Variants in CFAP57 observed in about 807,000 individuals in gnomAD.
CFAP57 encodes the protein cilia and flagella associated protein 57.
CFAP57 carries 116 observed loss-of-function variants against 146.8 expected under a neutral mutation model. The observed-to-expected ratio is 0.79, with a 90% confidence interval of 0.68 to 0.92. The LOEUF is 0.92. CFAP57 is among the 40% of genes least tolerant of loss of function. The pLI, the probability that CFAP57 is intolerant of heterozygous loss-of-function variation, is 0.00. For missense variants in CFAP57, 1,377 were observed against 1,527.2 expected (o/e 0.90, Z 1.64); for synonymous variants, 518 against 552.8 (o/e 0.94, Z 0.88).
intron 12 of CFAP57, among the ~76,000 whole-genome samples, chr1:43,218,607 C>CAA (rs34083888): frequency 4.3e-4 from 64 of 147,998 alleles, no homozygotes; most frequent in East Asian, 3.0e-3. Flanking sequence ...AACCATGTCT[C>CAA]AAAAAAAAAG....
At position 43,228,953 on chromosome 1, in the gene CFAP57, C is replaced by T. The variant is rs971638495; in HGVS notation, c.3009+1827C>T. ...CAGCCTCTCGTACAAGGGCACAAATCCCATTTGTGAGGGCTCTGCCCTCGT... is the reference window on the plus strand; with the variant it reads ...CAGCCTCTCGTACAAGGGCACAAATTCCATTTGTGAGGGCTCTGCCCTCGT... On this transcript the variant is annotated intron_variant, in intron 18 of 22. Transcript: ENST00000372492. Among the ~76,000 whole-genome samples the T allele has an allele frequency of 1.3e-4, 20 of 148,866 alleles. 2 individuals carry two copies. The highest frequency in any genetic ancestry group is 7.4e-5 in the Non-Finnish European group (5 of 67,550).
intron 6 of CFAP57, among the ~76,000 whole-genome samples, chr1:43,190,059 T>C (rs966953769): frequency 5.3e-5 from 8 of 152,200 alleles, no homozygotes; most frequent in African/African-American, 1.4e-4. Flanking sequence ...TCAGCGTTTT[T>C]AGTGAATTCC....
chr1:43,232,347 C>A (rs1409721697), intron 18 of CFAP57, among the ~76,000 whole-genome samples, 161 bp from the exon 19 acceptor site: 1 of 152,084 alleles, frequency 6.6e-6, no homozygotes, highest in Non-Finnish European at 1.5e-5. Context: ...GTTAGGAAAG[C>A]AAGTAGAAGA....
chr1:43,218,094 G>A (rs779357616), intron 12 of CFAP57, among the ~76,000 whole-genome samples: 1 of 152,176 alleles, frequency 6.6e-6, no homozygotes, highest in African/African-American at 2.4e-5. Flanking sequence ...AGAAATGTGC[G>A]TAATCCATTC....
At chr1:43,205,629 A>C (rs1263751116) in intron 9 of CFAP57, among the ~76,000 whole-genome samples, 1 of 152,140 alleles carries the variant, frequency 6.6e-6, no homozygotes, top group African/African-American at 2.4e-5. Context: ...CTTAGAGTGG[A>C]GTTTCTTCCA....
Position 43,222,271 on chromosome 1 carries a change from G to A in CFAP57, c.2508G>A (p.Gln836=), listed in dbSNP as rs1323745565. 1.4e-6 allele frequency: 2 copies of A among 1,460,832 alleles called. No homozygotes were observed. Among genetic ancestry groups the A allele is most frequent in the Non-Finnish European group, 1.8e-6 (2 of 1,102,284 alleles). The allele number at this position is 1,460,832 out of a possible 1,614,324, so 90.5% of individuals were successfully genotyped here. The change falls in exon 15 of 23, where the codon CAG becomes CAA. Residue 836 remains glutamine (Q), a synonymous_variant. Transcript: ENST00000372492. The part of the protein sequence containing the change: ...ELTEFYEAKL[Q]EKTTLLEEAQ... ...CTGAGTTTTACGAGGCAAAACTGCAGGAGAAAACCACCCTTCTGGAAGAGG... is the reference window on the plus strand; with the variant it reads ...CTGAGTTTTACGAGGCAAAACTGCAAGAGAAAACCACCCTTCTGGAAGAGG...
chr1:43,206,862 T>C lies in CFAP57; in HGVS notation c.1685T>C (p.Val562Ala), dbSNP rs1183822155. 6 of 1,614,002 alleles carry C rather than the reference T, an allele frequency of 3.7e-6. No individual in the cohort carries two copies. In the Admixed American group the frequency reaches 6.7e-5, roughly 18 times the overall value. Residue 562 changes from valine to alanine, a missense_variant, in exon 10 of 23, where the codon GTC becomes GCC. Physicochemically the swap from Val to Ala is moderately conservative, Grantham distance 64 (BLOSUM62 0). Coordinates refer to ENST00000372492, the MANE Select transcript of CFAP57 (RefSeq NM_001378189.1). ...LKSCSYNCVT[V>A]SPDAKIIFAV... is the part of the protein sequence containing the mutation. Reference sequence around the variant, plus strand: ...TCTTGCAGCTACAACTGTGTTACTGTCTCCCCCGATGCCAAAATTATCTTT... The same window carrying C: ...TCTTGCAGCTACAACTGTGTTACTGCCTCCCCCGATGCCAAAATTATCTTT...
Position 43,197,538 on chromosome 1 carries a change from G to A in CFAP57, c.1123-15G>A. 3.1e-6 allele frequency: 5 copies of A among 1,614,130 alleles called. No individual in the cohort carries two copies. Among genetic ancestry groups the A allele is most frequent in the Non-Finnish European group, 2.5e-6 (3 of 1,180,036 alleles). On this transcript the variant is annotated splice_polypyrimidine_tract_variant and intron_variant, in intron 6 of 22. Transcript: ENST00000372492. The stretch of plus-strand genomic sequence containing the variant: ...TGCTTACTCTGCGGGATCTTGTTCT[G>A]TGTGATTTCTCTAGGGGGAGCCTGC...
chr1:43,254,274 G>A lies in CFAP57; in HGVS notation c.*83G>A, dbSNP rs1646388900. 4.7e-6 allele frequency: 6 copies of A among 1,272,792 alleles called. No homozygotes were observed. Among genetic ancestry groups the A allele is most frequent in the Non-Finnish European group, 6.5e-6 (6 of 922,036 alleles). The allele number at this position is 1,272,792 out of a possible 1,614,324, so 78.8% of individuals were successfully genotyped here. A position where few individuals can be genotyped will look rare whatever the true frequency, so the allele number is the denominator to read the frequency against. ...CAAGCCAGACTTGCGGTTGGAGTCT[G>A]TATGGTCCCTGCAGCACTGACCCCA... On this transcript the variant is annotated 3_prime_UTR_variant, in exon 23 of 23. Transcript: ENST00000372492.
At chr1:43,206,307 C>T in intron 9 of CFAP57, 1 of 187,336 alleles carries the variant, frequency 5.3e-6, no homozygotes, top group Non-Finnish European at 1.1e-5. Flanking sequence ...TACCAGTTAA[C>T]CTACATTGTC....
Position 43,243,374 on chromosome 1 carries a change from G to A in CFAP57, c.3538+15G>A. On this transcript the variant is annotated intron_variant, in intron 22 of 22. Coordinates refer to ENST00000372492, the MANE Select transcript of CFAP57 (RefSeq NM_001378189.1). Reference sequence around the variant, plus strand: ...TTCAGAGACAGGTAATATCACCAGTGGCCAGGGGAGATGGGCACTGGGACG... The same window carrying A: ...TTCAGAGACAGGTAATATCACCAGTAGCCAGGGGAGATGGGCACTGGGACG... 6.6e-7 allele frequency: 1 copy of A among 1,513,204 alleles called. No individual in the cohort carries two copies. Among genetic ancestry groups the A allele is most frequent in the East Asian group, 2.5e-5 (1 of 39,530 alleles). 93.7% of individuals were successfully genotyped at this position (1,513,204 alleles called of 1,614,324 possible).
At chr1:43,210,047 A>C (rs1644533727) in intron 11 of CFAP57, 131 bp downstream of exon 11, 4 of 1,613,978 alleles carry the variant, frequency 2.5e-6, no homozygotes, top group South Asian at 2.2e-5. Flanking sequence ...CATTCATTGA[A>C]TCACCATCTA....
chr1:43,221,859 A>C (rs1238499252), intron 14 of CFAP57, among the ~76,000 whole-genome samples: 1 of 152,108 alleles, frequency 6.6e-6, no homozygotes, highest in Non-Finnish European at 1.5e-5. Context: ...TGAGTCCCCA[A>C]ATACCACTCT....
intron 13 of CFAP57, among the ~76,000 whole-genome samples, chr1:43,220,137 TG>T (rs1388189265): frequency 1.3e-5 from 2 of 152,200 alleles, no homozygotes; most frequent in African/African-American, 4.8e-5. Context: ...TAATTATCTC[TG>T]GAAGTTGAGA....
At chr1:43,175,916 G>T (rs577097592) in intron 2 of CFAP57, among the ~76,000 whole-genome samples, 14 of 134,440 alleles carry the variant, frequency 1.0e-4, no homozygotes, top group Non-Finnish European at 1.9e-4. Context: ...GTAGTTCATT[G>T]CTTCTCTTTT....
chr1:43,224,540 C>T (rs977783573), intron 17 of CFAP57, among the ~76,000 whole-genome samples: 1 of 152,218 alleles, frequency 6.6e-6, no homozygotes, highest in Non-Finnish European at 1.5e-5. Context: ...CTCCACTGCT[C>T]CAGGCATCCT....
rs760287320 is a variant in CFAP57, at chr1:43,241,007, T to C, written c.3406-2220T>C. 2.8e-4 allele frequency among the ~76,000 whole-genome samples: 42 copies of C among 152,124 alleles called. 1 individual carries two copies. The highest frequency in any genetic ancestry group is 2.2e-4 in the Non-Finnish European group (15 of 68,014). On this transcript the variant is annotated intron_variant, in intron 21 of 22. Coordinates refer to ENST00000372492, the MANE Select transcript of CFAP57 (RefSeq NM_001378189.1). ...CCGCCACCACGCCCGGCTAACTGTT[T>C]GTATTTTTAGCGTAGACGGGGTTTC...
At chr1:43,173,264 A>G (rs1483225175) in intron 2 of CFAP57, among the ~76,000 whole-genome samples, 1 of 152,156 alleles carries the variant, frequency 6.6e-6, no homozygotes, top group East Asian at 1.9e-4. Flanking sequence ...CCTTCATTAT[A>G]TCACCGTTTG....
At position 43,201,830 on chromosome 1, in the gene CFAP57, G is replaced by C. The variant is rs1175705797; in HGVS notation, c.1542+2327G>C. On this transcript the variant is annotated intron_variant, in intron 9 of 22. Coordinates refer to ENST00000372492, the MANE Select transcript of CFAP57 (RefSeq NM_001378189.1). This position sits in a 1 kb window ranked among gnomAD's most constrained non-coding sequence, Gnocchi z 4.4. ...GGGTTTCTCCATGTTGGTCAGGCTG[G>C]TCTTGAACTACTGACCTCAGGTGAT... Among the ~76,000 whole-genome samples the C allele has an allele frequency of 6.6e-6, 1 of 152,174 alleles. No homozygotes were observed. Among genetic ancestry groups the C allele is most frequent in the Non-Finnish European group, 1.5e-5 (1 of 68,030 alleles).
Sources: gnomAD v4.1 joint callset for allele counts (sites outside exome capture counted in the v4.1 genomes callset) on GRCh38, gnomAD v4.1.1 for gene constraint, Gnocchi (gnomAD v3.1) non-coding constraint, MANE v1.5 for transcripts, NCBI Gene and HGNC (gene_info 2026-07-23, HGNC 2026-07-21) for gene names.